PTPN14: variants seen among roughly 807,000 people sequenced by gnomAD.
The protein encoded by PTPN14 is tyrosine-protein phosphatase non-receptor type 14.
A neutral mutation model predicts 126.8 loss-of-function variants in PTPN14; 53 were observed. The ratio of observed to expected loss-of-function variants is 0.42; its 90% CI spans 0.34 to 0.53. The LOEUF (loss-of-function observed/expected upper bound fraction) is 0.53. Among genes scored for constraint, PTPN14 ranks in the 20% least tolerant of loss-of-function variants. PTPN14 has a pLI of 0.08. For missense variants in PTPN14, 1,257 were observed against 1,552.9 expected (o/e 0.81, Z 3.20); for synonymous variants, 630 against 599.3 (o/e 1.05, Z -0.75).
chr1:214,474,050 G>A (rs943001667), intron 1 of PTPN14, among the ~76,000 whole-genome samples: 4 of 152,182 alleles, frequency 2.6e-5, no homozygotes, highest in African/African-American at 9.6e-5. Context: ...TCAGTGGTGA[G>A]ATGGAAACTT....
At chr1:214,417,718 G>A (rs746131751) in intron 3 of PTPN14, among the ~76,000 whole-genome samples, 12 of 152,158 alleles carry the variant, frequency 7.9e-5, no homozygotes, top group Non-Finnish European at 1.0e-4. Context: ...GAGCAGGTCC[G>A]TGTGGTGTTC....
chr1:214,507,093 T>C (rs1654863095), intron 1 of PTPN14, among the ~76,000 whole-genome samples: 3 of 152,260 alleles, frequency 2.0e-5, no homozygotes, highest in South Asian at 2.1e-4. Context: ...TTCTGTGATA[T>C]GCAAATGTTA....
intron 13 of PTPN14, among the ~76,000 whole-genome samples, chr1:214,382,903 G>A (rs994931406): frequency 3.3e-5 from 5 of 151,662 alleles, no homozygotes; most frequent in Non-Finnish European, 5.9e-5. Flanking sequence ...CTTGACTTAC[G>A]GATCTATACA....
chr1:214,528,467 C>T (rs1016887640), intron 1 of PTPN14: 1 of 151,992 alleles, frequency 6.6e-6, no homozygotes, highest in Non-Finnish European at 1.5e-5. Context: ...GGAAGAAAAG[C>T]AGAAAAAGTA....
At chr1:214,376,526 G>T in intron 14 of PTPN14, 89 bp from the exon 15 acceptor site, 1 of 1,123,936 alleles carries the variant, frequency 8.9e-7, no homozygotes, top group Non-Finnish European at 1.3e-6. Flanking sequence ...TTTAGCGATT[G>T]TGTTAAAAGA....
At chr1:214,469,725 T>C (rs894106017) in intron 1 of PTPN14, among the ~76,000 whole-genome samples, 17 of 150,932 alleles carry the variant, frequency 1.1e-4, no homozygotes, top group Non-Finnish European at 1.6e-4. Context: ...ATGGAAACTA[T>C]GGACTTTGGG....
chr1:214,476,169 C>T lies in PTPN14; in HGVS notation c.-154-11212G>A, dbSNP rs564470417. Among the ~76,000 whole-genome samples the T allele has an allele frequency of 9.5e-4, 144 of 152,276 alleles. 1 individual carries two copies. The highest frequency in any genetic ancestry group is 3.3e-3 in the African/African-American group (139 of 41,562). On this transcript the variant is annotated intron_variant, in intron 1 of 18. Coordinates refer to ENST00000366956, the MANE Select transcript of PTPN14 (RefSeq NM_005401.5). Reference sequence around the variant, plus strand: ...CAGCCATAGCACCCTGCCAGAGCCTCTTACCTAGATGGCCTATTCTACTGT... The same window carrying T: ...CAGCCATAGCACCCTGCCAGAGCCTTTTACCTAGATGGCCTATTCTACTGT...
intron 3 of PTPN14, among the ~76,000 whole-genome samples, chr1:214,436,906 C>T (rs1165744928): frequency 6.6e-6 from 1 of 151,454 alleles, no homozygotes; most frequent in Non-Finnish European, 1.5e-5. Context: ...TGCTTGTATG[C>T]ATGCAAATGC....
chr1:214,472,844 ATTGCAGATCCAGACACGTTCC>A (rs1660790049), intron 1 of PTPN14, among the ~76,000 whole-genome samples: 1 of 152,220 alleles, frequency 6.6e-6, no homozygotes, highest in African/African-American at 2.4e-5. Context: ...ACAGACAGAG[ATTGCAGATCCAGACACGTTCC>A]TTGCAACAAA....
chr1:214,481,166 C>A (rs1161691277), intron 1 of PTPN14, among the ~76,000 whole-genome samples: 2 of 152,072 alleles, frequency 1.3e-5, no homozygotes, highest in African/African-American at 4.8e-5. Context: ...CACATAAATG[C>A]AACATTTGAA....
intron 17 of PTPN14, among the ~76,000 whole-genome samples, chr1:214,367,800 G>A (rs968054455): frequency 1.1e-4 from 16 of 152,288 alleles, no homozygotes; most frequent in African/African-American, 3.8e-4. Context: ...ATCTTTGGAC[G>A]ATGATGACTG....
intron 2 of PTPN14, among the ~76,000 whole-genome samples, chr1:214,461,837 A>G (rs1402166584): frequency 1.3e-5 from 2 of 152,162 alleles, no homozygotes; most frequent in African/African-American, 4.8e-5. Context: ...ACTTTTTGTT[A>G]TATCTTAGAT....
At chr1:214,505,311 G>A (rs1292532852) in intron 1 of PTPN14, among the ~76,000 whole-genome samples, 1 of 152,106 alleles carries the variant, frequency 6.6e-6, no homozygotes, top group African/African-American at 2.4e-5. Flanking sequence ...CAGGGAAGCA[G>A]GAGAAACATC....
intron 3 of PTPN14, among the ~76,000 whole-genome samples, chr1:214,418,476 G>C (rs887742234): frequency 3.7e-4 from 56 of 152,234 alleles, no homozygotes; most frequent in African/African-American, 1.2e-3. Flanking sequence ...CTTCCTTAAA[G>C]ACATGGCCAC....
intron 6 of PTPN14, among the ~76,000 whole-genome samples, 176 bp from the exon 7 acceptor site, chr1:214,401,948 G>A (rs1447318589): frequency 1.3e-5 from 2 of 152,152 alleles, no homozygotes; most frequent in African/African-American, 4.8e-5. Context: ...ATCTTTCCCA[G>A]TAGCCTTTTA....
At chr1:214,390,307 T>A (rs1256312346) in intron 11 of PTPN14, among the ~76,000 whole-genome samples, 3 of 152,220 alleles carry the variant, frequency 2.0e-5, no homozygotes, top group Admixed American at 2.0e-4. Flanking sequence ...AAACATAGCC[T>A]AAGACAGAAC....
chr1:214,520,065 A>AAAAAAAAAAAAAT lies in PTPN14; in HGVS notation c.-155+31117_-155+31118insATTTTTTTTTTTT. 9.8e-5 allele frequency among the ~76,000 whole-genome samples: 7 copies of AAAAAAAAAAAAAT among 71,106 alleles called. No individual in the cohort carries two copies. The East Asian group carries it at 1.4e-3, about 15-fold the overall frequency. 46.6% of individuals were successfully genotyped at this position (71,106 alleles called of 152,430 possible). ...CCTGTCTCAAAAAAAAAAAAAAAAA[A>AAAAAAAAAAAAAT]ATATATATATATATATATGCAGAAT... is the stretch of plus-strand genomic sequence containing the variant. On this transcript the variant is annotated intron_variant, in intron 1 of 18. Transcript: ENST00000366956.
At chr1:214,417,834 T>C (rs1334456588) in intron 3 of PTPN14, among the ~76,000 whole-genome samples, 1 of 151,758 alleles carries the variant, frequency 6.6e-6, no homozygotes, top group Non-Finnish European at 1.5e-5. Context: ...TCCCCACAAG[T>C]GAAATCTTCA....
rs1657800538 is a variant in PTPN14 at position 214,355,640 on chromosome 1, G to A, written c.*2282C>T. ...TCAGACCTTGAAGTAGAAGACACAG[G>A]GGAAGCCCTCCATCCCCAGATATTC... On this transcript the variant is annotated 3_prime_UTR_variant, in exon 19 of 19. Transcript: ENST00000366956. 1.3e-5 allele frequency: 2 copies of A among 152,092 alleles called. No individual in the cohort carries two copies. Among genetic ancestry groups the A allele is most frequent in the Admixed American group, 1.3e-4 (2 of 15,264 alleles). 9.4% of individuals were successfully genotyped at this position (152,092 alleles called of 1,614,324 possible).
Sources: gnomAD v4.1 joint callset for allele counts (sites outside exome capture counted in the v4.1 genomes callset) on GRCh38, gnomAD v4.1.1 for gene constraint, MANE v1.5 for transcripts, NCBI Gene and HGNC (gene_info 2026-07-23, HGNC 2026-07-21) for gene names.